AUTS2: variants seen among roughly 807,000 people sequenced by gnomAD.
The protein encoded by AUTS2 is autism susceptibility gene 2 protein.
In AUTS2, 17 loss-of-function variants were observed where a neutral mutation model predicts 112.4. The observed-to-expected ratio is 0.15, with a 90% CI of 0.10 to 0.23. The LOEUF (loss-of-function observed/expected upper bound fraction) is 0.23, where lower values mean the gene tolerates loss of function less well. Among genes scored for constraint, AUTS2 ranks in the 10% least tolerant of loss-of-function variants. The pLI is 1.00. For synonymous variants in AUTS2, 751 were observed against 702.7 expected, an observed-to-expected ratio of 1.07 and a Z score of -1.09; for missense variants, 1,510 against 1,701.6, an observed-to-expected ratio of 0.89 and a Z score of 1.98.
chr7:69,675,433 A>G (rs1314964463), intron 1 of AUTS2, among the ~76,000 whole-genome samples: 1 of 151,310 alleles, frequency 6.6e-6, no homozygotes, highest in Non-Finnish European at 1.5e-5. Context: ...TCTCTCTAGG[A>G]CTTGATCCTT....
chr7:70,701,253 G>A (rs1039043290), intron 6 of AUTS2, among the ~76,000 whole-genome samples: 1 of 152,112 alleles, frequency 6.6e-6, no homozygotes, highest in Non-Finnish European at 1.5e-5. Context: ...GGTGGGGGTT[G>A]GGGGGGCGCA....
chr7:70,543,756 G>T (rs1047457502), intron 5 of AUTS2, among the ~76,000 whole-genome samples: 1 of 152,130 alleles, frequency 6.6e-6, no homozygotes, highest in Non-Finnish European at 1.5e-5. Context: ...TCCCTTACAT[G>T]TGAATTAAAA....
chr7:70,505,920 C>T (rs1244350389), intron 5 of AUTS2, among the ~76,000 whole-genome samples: 2 of 152,336 alleles, frequency 1.3e-5, no homozygotes, highest in Non-Finnish European at 2.9e-5. Context: ...TCAGTAATGT[C>T]TTAGCTCCTT....
chr7:70,173,792 T>C (rs754075841), intron 4 of AUTS2, among the ~76,000 whole-genome samples: 2 of 123,138 alleles, frequency 1.6e-5, no homozygotes, highest in African/African-American at 3.2e-5. Flanking sequence ...TTGATGTTAC[T>C]ATTTTAGTTA....
At chr7:70,131,452 C>T (rs1453474324) in intron 3 of AUTS2, among the ~76,000 whole-genome samples, 1 of 152,178 alleles carries the variant, frequency 6.6e-6, no homozygotes, top group African/African-American at 2.4e-5. Context: ...AGGGTATTAT[C>T]ACCTGTCTAC....
chr7:69,632,953 A>G (rs1419506865), intron 1 of AUTS2, among the ~76,000 whole-genome samples: 1 of 152,192 alleles, frequency 6.6e-6, no homozygotes, highest in Non-Finnish European at 1.5e-5. Flanking sequence ...GCAAATTAAC[A>G]TATTCATCAC....
chr7:70,560,970 C>T (rs184880359), intron 5 of AUTS2, among the ~76,000 whole-genome samples: 33 of 152,190 alleles, frequency 2.2e-4, no homozygotes, highest in Admixed American at 1.2e-3. Flanking sequence ...TGTAAATCAT[C>T]GTATTGGTCC....
intron 4 of AUTS2, among the ~76,000 whole-genome samples, chr7:70,399,717 C>T (rs762798643): frequency 1.0e-4 from 15 of 150,704 alleles, no homozygotes; most frequent in Non-Finnish European, 1.9e-4. Flanking sequence ...ATTAATTAAA[C>T]GATATAATTG....
At chr7:69,713,457 A>G (rs946899148) in intron 1 of AUTS2, among the ~76,000 whole-genome samples, 4 of 150,328 alleles carry the variant, frequency 2.7e-5, no homozygotes, top group East Asian at 2.0e-4. Context: ...TCTGCTTTCA[A>G]GAGTTTTTTT....
intron 2 of AUTS2, among the ~76,000 whole-genome samples, chr7:70,000,644 T>G (rs1162557990): frequency 6.6e-6 from 1 of 152,176 alleles, no homozygotes; most frequent in East Asian, 1.9e-4. Context: ...TCTTTATATT[T>G]GAACTGAGAA....
chr7:69,789,440 C>T (rs1789520624), intron 1 of AUTS2, among the ~76,000 whole-genome samples: 1 of 152,058 alleles, frequency 6.6e-6, no homozygotes, highest in African/African-American at 2.4e-5. Context: ...AGGGGTAGTC[C>T]TAGAATGCTG....
intron 5 of AUTS2, among the ~76,000 whole-genome samples, chr7:70,441,583 C>G (rs899562238): frequency 6.6e-6 from 1 of 152,188 alleles, no homozygotes; most frequent in Admixed American, 6.5e-5. Flanking sequence ...GATGGAGTCT[C>G]ACTATGTTGC....
intron 1 of AUTS2, among the ~76,000 whole-genome samples, chr7:69,772,331 G>A (rs1788704215): frequency 6.6e-6 from 1 of 152,128 alleles, no homozygotes; most frequent in Non-Finnish European, 1.5e-5. Flanking sequence ...TTCTGATGTT[G>A]GATTCATTCC....
intron 5 of AUTS2, among the ~76,000 whole-genome samples, chr7:70,580,297 T>C (rs1177499649): frequency 6.6e-6 from 1 of 152,204 alleles, no homozygotes; most frequent in East Asian, 1.9e-4. Context: ...GGCTGCCTGC[T>C]GAATGGGAAT....
chr7:70,540,232 C>G (rs1473429329), intron 5 of AUTS2, among the ~76,000 whole-genome samples: 1 of 152,084 alleles, frequency 6.6e-6, no homozygotes, highest in East Asian at 1.9e-4. Context: ...TGGTCATTCT[C>G]TTGGATTTGC....
chr7:69,656,705 C>T (rs1795557608), intron 1 of AUTS2, among the ~76,000 whole-genome samples: 1 of 152,154 alleles, frequency 6.6e-6, no homozygotes, highest in Admixed American at 6.5e-5. Context: ...TTTATTCTCT[C>T]TGTATTTTCA....
At chr7:70,367,822 C>G (rs998528199) in intron 4 of AUTS2, among the ~76,000 whole-genome samples, 1 of 152,194 alleles carries the variant, frequency 6.6e-6, no homozygotes, top group East Asian at 1.9e-4. Flanking sequence ...GCTTTGCTAG[C>G]TATTATAGAA....
At position 69,876,342 on chromosome 7, in the gene AUTS2, AAAAAAAAATATATATATATATATATATAT is replaced by A. The variant is rs1793749591; in HGVS notation, c.310-22942_310-22914del. Reference sequence around the variant, plus strand: ...CTCTGTCTCAAAAAAAAAAAAAAAAAAAAAAAAATATATATATATATATATATATATATATATATATGTATATATAATAT... The same window carrying A: ...CTCTGTCTCAAAAAAAAAAAAAAAAAATATATATATATGTATATATAATAT... On this transcript the variant is annotated intron_variant, in intron 1 of 18. Transcript: ENST00000342771. Among the ~76,000 whole-genome samples the A allele has an allele frequency of 2.3e-5, 2 of 87,968 alleles. 1 individual carries two copies. Among genetic ancestry groups the A allele is most frequent in the East Asian group, 7.0e-4 (2 of 2,848 alleles). The allele number at this position is 87,968 out of a possible 152,430, so 57.7% of individuals were successfully genotyped here. A position where few individuals can be genotyped will look rare whatever the true frequency, so the allele number is the denominator to read the frequency against.
chr7:70,403,321 T>C (rs775430505), intron 4 of AUTS2, among the ~76,000 whole-genome samples: 1 of 152,250 alleles, frequency 6.6e-6, no homozygotes, highest in African/African-American at 2.4e-5. Context: ...ACCAGCTACA[T>C]TGATACTTGG....
Sources: allele counts gnomAD v4.1 joint callset (sites outside exome capture counted in the v4.1 genomes callset), GRCh38; gene constraint gnomAD v4.1.1; transcripts MANE v1.5; gene names NCBI Gene and HGNC (gene_info 2026-07-23, HGNC 2026-07-21).